The following ABCB5 variants were observed in gnomAD, a reference collection of about 807,000 sequenced individuals.
The protein encoded by ABCB5 is ATP binding cassette subfamily B member 5.
In ABCB5, 155 loss-of-function variants were observed where a neutral mutation model predicts 144.2. The observed-to-expected ratio is 1.08, with a 90% CI of 0.94 to 1.23. The LOEUF is 1.23. ABCB5 is among the 50% of genes most tolerant of loss of function. The pLI is 0.00. For synonymous variants in ABCB5, 610 were observed against 528.6 expected (o/e 1.15, Z -2.11); for missense variants, 1,830 against 1,520.8 (o/e 1.20, Z -3.38).
chr7:20,630,496 C>T (rs1784014823), intron 4 of ABCB5, among the ~76,000 whole-genome samples: 1 of 151,952 alleles, frequency 6.6e-6, no homozygotes, highest in East Asian at 1.9e-4. Context: ...CCATCTCTGT[C>T]TTTCCATGAT....
intron 26 of ABCB5, among the ~76,000 whole-genome samples, chr7:20,749,226 CTCTT>C (rs1415310393): frequency 1.6e-5 from 2 of 125,012 alleles, no homozygotes; most frequent in Non-Finnish European, 3.3e-5. Context: ...CCCCCTCTCT[CTCTT>C]TCTTTCTTTT....
At chr7:20,671,164 C>G (rs186099471) in intron 14 of ABCB5, among the ~76,000 whole-genome samples, 80 of 152,270 alleles carry the variant, frequency 5.3e-4, no homozygotes, top group African/African-American at 1.7e-3. Context: ...CTGTCTGCAA[C>G]TCTATATCAC....
intron 23 of ABCB5, among the ~76,000 whole-genome samples, chr7:20,730,178 T>C (rs962741566): frequency 2.0e-5 from 3 of 152,174 alleles, no homozygotes; most frequent in African/African-American, 7.2e-5. Context: ...GATTTCCTTA[T>C]AAAATGGAAT....
At chr7:20,714,348 C>CAAAA (rs374402106) in intron 20 of ABCB5, among the ~76,000 whole-genome samples, 2 of 146,960 alleles carry the variant, frequency 1.4e-5, no homozygotes, top group African/African-American at 5.0e-5. Context: ...TTCTTAATTT[C>CAAAA]AAAAAAAAAA....
chr7:20,651,760 T>C (rs1208475415), intron 13 of ABCB5, 137 bp downstream of exon 13: 3 of 867,418 alleles, frequency 3.5e-6, no homozygotes, highest in Non-Finnish European at 5.3e-6. Context: ...AACAAGCTTG[T>C]CCAACCAGTG....
intron 4 of ABCB5, among the ~76,000 whole-genome samples, chr7:20,631,535 C>G (rs1022093428): frequency 6.6e-6 from 1 of 152,008 alleles, no homozygotes; most frequent in Non-Finnish European, 1.5e-5. Context: ...ATATTTTTTT[C>G]TACTAGAAGA....
chr7:20,689,637 C>T (rs1786140656), intron 16 of ABCB5, among the ~76,000 whole-genome samples: 1 of 152,066 alleles, frequency 6.6e-6, no homozygotes, highest in African/African-American at 2.4e-5. Context: ...ATTCTGCAGG[C>T]ACCTGCCTCT....
chr7:20,628,579 GT>G, intron 3 of ABCB5, 108 bp from the exon 4 acceptor site: 1 of 1,099,920 alleles, frequency 9.1e-7, no homozygotes, highest in Non-Finnish European at 1.3e-6. Context: ...AATGTATAAA[GT>G]CATGTTTACT....
intron 14 of ABCB5, among the ~76,000 whole-genome samples, chr7:20,665,506 C>A (rs566783547): frequency 3.7e-4 from 56 of 152,136 alleles, no homozygotes; most frequent in African/African-American, 1.3e-3. Context: ...AGATGACCAG[C>A]TAAAATTTGA....
chr7:20,623,515 T>C (rs568332854), intron 2 of ABCB5, among the ~76,000 whole-genome samples, 177 bp downstream of exon 2: 3 of 152,186 alleles, frequency 2.0e-5, no homozygotes, highest in Non-Finnish European at 4.4e-5. Context: ...TTTTAGGAAC[T>C]GCAATAGGAT....
rs769250699 is a variant in ABCB5 at position 20,753,353 on chromosome 7, G to C, written c.3430-7G>C. On this transcript the variant is annotated splice_polypyrimidine_tract_variant and splice_region_variant and intron_variant, in intron 26 of 27. Coordinates refer to ENST00000404938, the MANE Select transcript of ABCB5 (RefSeq NM_001163941.2). ...CTTGCTTTCTTAATTGCATGCTCCTGTGATAGAAATACAACACACAAGTTG... is the reference window on the plus strand; with the variant it reads ...CTTGCTTTCTTAATTGCATGCTCCTCTGATAGAAATACAACACACAAGTTG... The C allele has an allele frequency of 6.0e-5, 96 of 1,605,626 alleles. No individual in the cohort carries two copies. Among genetic ancestry groups the C allele is most frequent in the Non-Finnish European group, 7.4e-5 (87 of 1,174,914 alleles).
intron 14 of ABCB5, among the ~76,000 whole-genome samples, chr7:20,669,935 G>C (rs1428206178): frequency 2.6e-5 from 4 of 152,126 alleles, no homozygotes; most frequent in African/African-American, 9.7e-5. Flanking sequence ...CCAAGACCCA[G>C]AATAGAATTC....
rs114357577 is a variant in ABCB5 at position 20,709,454 on chromosome 7, T to C, written c.2421+4647T>C. Among the ~76,000 whole-genome samples the C allele has an allele frequency of 7.0e-3, 1,056 of 150,124 alleles. 80 individuals carry two copies. Among genetic ancestry groups the C allele is most frequent in the African/African-American group, 0.025 (1,007 of 40,652 alleles). On this transcript the variant is annotated intron_variant, in intron 20 of 27. Transcript: ENST00000404938. ...TATTTTTCAGCACTATTTAGTGTCA[T>C]AGCATAAAAAACACAATGCTGTGGC...
intron 1 of ABCB5, 31 bp from the exon 2 acceptor site, chr7:20,623,233 GC>G: frequency 8.1e-7 from 1 of 1,228,368 alleles, no homozygotes; most frequent in Non-Finnish European, 1.2e-6. Flanking sequence ...AAGTCACATA[GC>G]CATAATACAT....
At chr7:20,733,235 A>G (rs1392780894) in intron 23 of ABCB5, among the ~76,000 whole-genome samples, 1 of 152,084 alleles carries the variant, frequency 6.6e-6, no homozygotes, top group Non-Finnish European at 1.5e-5. Context: ...CATTCATAGA[A>G]TATTTCTGTG....
At chr7:20,753,823 T>G (rs955901036) in intron 27 of ABCB5, among the ~76,000 whole-genome samples, 6 of 152,222 alleles carry the variant, frequency 3.9e-5, no homozygotes, top group Non-Finnish European at 8.8e-5. Context: ...CTTTTCAATT[T>G]TATTATTATT....
At chr7:20,688,883 G>A (rs191415489) in intron 16 of ABCB5, among the ~76,000 whole-genome samples, 7 of 152,042 alleles carry the variant, frequency 4.6e-5, no homozygotes, top group East Asian at 1.9e-4. Flanking sequence ...AACCAAACAC[G>A]GCATGTTCTC....
chr7:20,728,512 G>A, intron 23 of ABCB5, 57 bp downstream of exon 23: 1 of 1,579,528 alleles, frequency 6.3e-7, no homozygotes, highest in Non-Finnish European at 8.6e-7. Context: ...CCAACACTTT[G>A]AGAGGCTGAG....
chr7:20,621,523 T>C (rs1562525053), intron 1 of ABCB5, among the ~76,000 whole-genome samples: 1 of 152,108 alleles, frequency 6.6e-6, no homozygotes. Flanking sequence ...GAATAAAACA[T>C]GGGGTTCCTC....
Sources: allele counts gnomAD v4.1 joint callset (sites outside exome capture counted in the v4.1 genomes callset), GRCh38; gene constraint gnomAD v4.1.1; transcripts MANE v1.5; gene names NCBI Gene and HGNC (gene_info 2026-07-23, HGNC 2026-07-21).